Variants in LBP observed in about 807,000 individuals in gnomAD.
LBP encodes lipopolysaccharide binding protein, also known as lipopolysaccharide-binding protein.
A neutral mutation model predicts 56.6 loss-of-function variants in LBP; 53 were observed. That is an observed-to-expected ratio of 0.94 (90% CI 0.75 to 1.18). The LOEUF is 1.18. LBP is among the 50% of genes most tolerant of loss of function. LBP has a pLI of 0.00. For missense variants in LBP, 601 were observed against 598.3 expected (o/e 1.00, Z -0.05); for synonymous variants, 227 against 247.5 (o/e 0.92, Z 0.78).
At chr20:38,349,233 G>A (rs11536940) in intron 1 of LBP, among the ~76,000 whole-genome samples, 6,640 of 152,300 alleles carry the variant, frequency 0.044, 276 homozygotes, top group Middle Eastern at 0.15. Flanking sequence ...CAGGCCAGAT[G>A]TCATGGAGAA....
At chr20:38,357,923 C>G (rs887288549) in intron 5 of LBP, among the ~76,000 whole-genome samples, 1 of 152,204 alleles carries the variant, frequency 6.6e-6, no homozygotes, top group Non-Finnish European at 1.5e-5. Flanking sequence ...TTATAATTAA[C>G]ATATAATGAG....
At chr20:38,352,711 C>T (rs138386115) in intron 3 of LBP, among the ~76,000 whole-genome samples, 13 of 152,218 alleles carry the variant, frequency 8.5e-5, no homozygotes, top group African/African-American at 2.4e-4. Flanking sequence ...GCCAAGATCA[C>T]GCCACTGCAC....
chr20:38,360,667 G>T (rs1422919455), intron 5 of LBP, 37 bp from the exon 6 acceptor site: 1 of 1,472,910 alleles, frequency 6.8e-7, no homozygotes, highest in South Asian at 1.1e-5. Context: ...CCAGAGCTGG[G>T]GAACTCACTC....
intron 9 of LBP, among the ~76,000 whole-genome samples, chr20:38,367,319 C>T (rs117596623): frequency 6.6e-6 from 1 of 151,876 alleles, no homozygotes. Context: ...CCAAGCGTAG[C>T]GGCACATAGC....
chr20:38,353,181 C>T (rs954606256), intron 3 of LBP, among the ~76,000 whole-genome samples: 14 of 152,090 alleles, frequency 9.2e-5, no homozygotes, highest in East Asian at 3.9e-4. Context: ...AGGAAATTCA[C>T]GGAACATAAA....
intron 11 of LBP, 83 bp from the exon 12 acceptor site, chr20:38,371,197 A>C: frequency 9.0e-7 from 1 of 1,116,894 alleles, no homozygotes; most frequent in Non-Finnish European, 1.3e-6. Flanking sequence ...TCTCAAGCCC[A>C]TCCTTTCTCG....
intron 12 of LBP, 51 bp downstream of exon 12, chr20:38,371,373 G>T (rs753100630): frequency 6.5e-5 from 90 of 1,384,396 alleles, no homozygotes; most frequent in Non-Finnish European, 3.6e-5. Context: ...AATTTGGGGT[G>T]TTTCCTAAGC....
At chr20:38,366,644 C>T in intron 8 of LBP, 125 bp from the exon 9 acceptor site, 1 of 892,292 alleles carries the variant, frequency 1.1e-6, no homozygotes, top group Non-Finnish European at 1.9e-6. Flanking sequence ...CATCTCCTCC[C>T]TGCCAGGGTA....
chr20:38,364,560 C>A lies in LBP; in HGVS notation c.745-16C>A, dbSNP rs753220323. The A allele has an allele frequency of 2.5e-6, 4 of 1,613,656 alleles. No homozygotes were observed. The highest frequency in any genetic ancestry group is 2.5e-6 in the Non-Finnish European group (3 of 1,179,734). On this transcript the variant is annotated splice_polypyrimidine_tract_variant and intron_variant, in intron 7 of 14. Coordinates refer to ENST00000217407, the MANE Select transcript of LBP (RefSeq NM_004139.5). ...AGGCTTTGAAAAGTCCAATTGGACCCTATTTCCCTCTCCAGGGTGAAATCT... is the reference window on the plus strand; with the variant it reads ...AGGCTTTGAAAAGTCCAATTGGACCATATTTCCCTCTCCAGGGTGAAATCT...
chr20:38,371,345 A>G, intron 12 of LBP, 23 bp downstream of exon 12: 1 of 1,531,504 alleles, frequency 6.5e-7, no homozygotes, highest in Non-Finnish European at 9.0e-7. Context: ...TATTGATGAC[A>G]TGATTAGAAT....
At chr20:38,375,698 C>T (rs1287708473) in intron 14 of LBP, among the ~76,000 whole-genome samples, 1 of 152,154 alleles carries the variant, frequency 6.6e-6, no homozygotes, top group Non-Finnish European at 1.5e-5. Flanking sequence ...TCTGACCAAG[C>T]ATTTTGTGGT....
At chr20:38,367,923 G>A (rs2076887870) in intron 9 of LBP, among the ~76,000 whole-genome samples, 2 of 152,190 alleles carry the variant, frequency 1.3e-5, no homozygotes, top group Middle Eastern at 3.4e-3. Context: ...TGGTCGTGGT[G>A]GCTCACACCT....
intron 11 of LBP, 101 bp from the exon 12 acceptor site, chr20:38,371,179 C>T: frequency 2.3e-6 from 2 of 874,910 alleles, no homozygotes; most frequent in East Asian, 4.8e-5. Context: ...ACCTTTGGCC[C>T]TGTGCCTTCT....
chr20:38,375,040 G>A (rs540766395), intron 14 of LBP, among the ~76,000 whole-genome samples: 24 of 148,468 alleles, frequency 1.6e-4, no homozygotes, highest in African/African-American at 5.5e-4. Flanking sequence ...CAAGTGATAT[G>A]CTCACCTCAG....
At position 38,364,709 on chromosome 20, in the gene LBP, A is replaced by G; in HGVS notation, c.878A>G (p.Tyr293Cys). The G allele has an allele frequency of 1.9e-6, 3 of 1,613,892 alleles. No homozygotes were observed. The highest frequency in any genetic ancestry group is 1.1e-5 in the South Asian group (1 of 91,040). ...DYVFNTASLV[Y>C]HEEGYLNFSI... ...GTCTTCAACACGGCCAGCCTGGTTT[A>G]TCATGAGGAAGGATATCTGAACTTC... The change falls in exon 8 of 15, where the codon TAT becomes TGT. Residue 293 changes from tyrosine (Y) to cysteine (C), a missense_variant. Transcript: ENST00000217407.
chr20:38,359,023 C>T (rs545237643), intron 5 of LBP, among the ~76,000 whole-genome samples: 4 of 152,300 alleles, frequency 2.6e-5, no homozygotes, highest in African/African-American at 9.6e-5. Flanking sequence ...CTTGGTCTTT[C>T]CTGCATAAAA....
intron 10 of LBP, among the ~76,000 whole-genome samples, chr20:38,370,338 T>C (rs2076896828): frequency 1.3e-5 from 2 of 152,152 alleles, no homozygotes; most frequent in South Asian, 2.1e-4. Flanking sequence ...ATTGCACCAC[T>C]GCACTCCAGC....
Position 38,376,841 on chromosome 20 carries a change from A to G in LBP, c.*172A>G, listed in dbSNP as rs563394050. 6 of 733,058 alleles carry G rather than the reference A, an allele frequency of 8.2e-6. No individual in the cohort carries two copies. In the South Asian group the frequency reaches 8.6e-5, roughly 10 times the overall value. 45.4% of individuals were successfully genotyped at this position (733,058 alleles called of 1,614,324 possible). ...CTCCTCCTCTTCACCAGGTGCATGC[A>G]TGCCCTCTCTGAGTCTGGACTTTGC... On this transcript the variant is annotated 3_prime_UTR_variant, in exon 15 of 15. Transcript: ENST00000217407.
At chr20:38,349,166 C>T (rs955093266) in intron 1 of LBP, among the ~76,000 whole-genome samples, 13 of 152,256 alleles carry the variant, frequency 8.5e-5, no homozygotes, top group African/African-American at 2.2e-4. Context: ...TCAAAGTCAC[C>T]CAGCTAGAAA....
Sources: gnomAD v4.1 joint callset for allele counts (sites outside exome capture counted in the v4.1 genomes callset) on GRCh38, gnomAD v4.1.1 for gene constraint, MANE v1.5 for transcripts, NCBI Gene and HGNC (gene_info 2026-07-23, HGNC 2026-07-21) for gene names.